Variants in RPIA observed in about 807,000 individuals in gnomAD.
RPIA encodes ribose 5-phosphate isomerase A, also known as ribose-5-phosphate isomerase.
RPIA carries 29 observed loss-of-function variants against 37.8 expected under a neutral mutation model. The ratio of observed to expected loss-of-function variants is 0.77; its 90% CI spans 0.57 to 1.05. RPIA has a LOEUF of 1.05. Ranked by LOEUF, RPIA falls within the 50% of genes least tolerant of loss-of-function variation. The pLI, the probability that RPIA is intolerant of heterozygous loss-of-function variation, is 0.00. For synonymous variants in RPIA, 167 were observed against 157.0 expected (o/e 1.06, Z -0.48); for missense variants, 385 against 413.6 (o/e 0.93, Z 0.60).
chr2:88,736,283 G>A lies in RPIA; in HGVS notation c.597-252G>A, dbSNP rs371639407. Among the ~76,000 whole-genome samples, 39 of 152,320 alleles carry A rather than the reference G, an allele frequency of 2.6e-4. No individual in the cohort carries two copies. The South Asian group carries it at 7.0e-3, about 27-fold the overall frequency. ...TACTTGTGAAATATAGCCACAGGACGAGCATAAATATTAAACACCTACATA... is the reference window on the plus strand; with the variant it reads ...TACTTGTGAAATATAGCCACAGGACAAGCATAAATATTAAACACCTACATA... On this transcript the variant is annotated intron_variant, in intron 6 of 8. Transcript: ENST00000283646.
chr2:88,711,019 T>G (rs973519877), intron 3 of RPIA, among the ~76,000 whole-genome samples: 2 of 152,222 alleles, frequency 1.3e-5, no homozygotes, highest in African/African-American at 4.8e-5. Flanking sequence ...TATTACAACT[T>G]AAGTGTTTTC....
At chr2:88,709,629 G>C (rs892655279) in intron 3 of RPIA, among the ~76,000 whole-genome samples, 6 of 152,160 alleles carry the variant, frequency 3.9e-5, no homozygotes, top group African/African-American at 1.4e-4. Flanking sequence ...CTGTTGTTGA[G>C]TCCATACTAT....
chr2:88,714,910 GA>G (rs1183389311), intron 3 of RPIA, among the ~76,000 whole-genome samples: 2 of 152,314 alleles, frequency 1.3e-5, no homozygotes, highest in Admixed American at 1.3e-4. Flanking sequence ...TCAATCCTAA[GA>G]CCAGCGTTTG....
At chr2:88,703,769 C>T (rs1425747188) in intron 3 of RPIA, among the ~76,000 whole-genome samples, 17 of 152,218 alleles carry the variant, frequency 1.1e-4, no homozygotes, top group Non-Finnish European at 1.9e-4. Flanking sequence ...TGTCTGCAGC[C>T]GGCTTGAATT....
intron 3 of RPIA, among the ~76,000 whole-genome samples, chr2:88,712,359 ATAGGCCTAGTT>A (rs1299504321): frequency 3.3e-5 from 5 of 152,192 alleles, no homozygotes; most frequent in Non-Finnish European, 7.3e-5. Context: ...TCTTTAATTC[ATAGGCCTAGTT>A]TCTTTTACCT....
chr2:88,736,748 T>C, intron 7 of RPIA, 72 bp downstream of exon 7: 1 of 1,533,622 alleles, frequency 6.5e-7, no homozygotes, highest in Non-Finnish European at 8.9e-7. Context: ...TCCCTTCTGT[T>C]GCAGTTAGGT....
chr2:88,691,796 G>T lies in RPIA; in HGVS notation c.98G>T (p.Ser33Ile). ...GGAASGGGGN[S>I]WDLPGSHVRL... ...GCGGCCTCCGGCGGAGGAGGGAACA[G>T]CTGGGACCTCCCGGGTTCCCACGTG... The change falls in exon 1 of 9, where the codon AGC becomes ATC. Residue 33 changes from serine (S) to isoleucine (I), a missense_variant. By Grantham distance (142) the Ser-to-Ile change is moderately radical. This residue lies in a region of RPIA where 232 missense variants were observed against 203.0 expected (regional missense o/e 1.14). Coordinates refer to ENST00000283646, the MANE Select transcript of RPIA (RefSeq NM_144563.3). 6.3e-7 allele frequency: 1 copy of T among 1,594,806 alleles called. No homozygotes were observed.
intron 1 of RPIA, among the ~76,000 whole-genome samples, chr2:88,696,492 G>T (rs1209691345): frequency 6.7e-6 from 1 of 150,050 alleles, no homozygotes; most frequent in Non-Finnish European, 1.5e-5. Context: ...ATGAGTTTGT[G>T]TGTGTGTGGG....
chr2:88,709,225 C>T (rs1256114302), intron 3 of RPIA, among the ~76,000 whole-genome samples: 1 of 152,142 alleles, frequency 6.6e-6, no homozygotes, highest in Non-Finnish European at 1.5e-5. Flanking sequence ...AGGAGTTCCC[C>T]AAGAGGGAAT....
chr2:88,701,013 A>G (rs1672823692), intron 3 of RPIA, among the ~76,000 whole-genome samples: 2 of 152,142 alleles, frequency 1.3e-5, no homozygotes, highest in African/African-American at 4.8e-5. Flanking sequence ...CTGGAGACAC[A>G]GGATGCTGGC....
intron 8 of RPIA, among the ~76,000 whole-genome samples, chr2:88,747,573 G>A (rs1673454332): frequency 6.6e-6 from 1 of 152,098 alleles, no homozygotes; most frequent in Non-Finnish European, 1.5e-5. Flanking sequence ...TTTCCCGAAG[G>A]ACCCCTGTGA....
At position 88,705,725 on chromosome 2, in the gene RPIA, A is replaced by C. The variant is rs192510194; in HGVS notation, c.402+5661A>C. ...ATATTGACAAATGGGATCTAATTAA[A>C]GAGCTTCTGCGCAGCAAAAGAAACT... is the stretch of plus-strand genomic sequence containing the variant. On this transcript the variant is annotated intron_variant, in intron 3 of 8. Coordinates refer to ENST00000283646, the MANE Select transcript of RPIA (RefSeq NM_144563.3). Among the ~76,000 whole-genome samples the C allele has an allele frequency of 1.8e-3, 273 of 152,372 alleles. 2 individuals are homozygous for C. Among genetic ancestry groups the C allele is most frequent in the African/African-American group, 6.5e-3 (269 of 41,590 alleles).
chr2:88,740,908 T>C (rs1021543592), intron 8 of RPIA, among the ~76,000 whole-genome samples: 1 of 152,206 alleles, frequency 6.6e-6, no homozygotes, highest in East Asian at 1.9e-4. Context: ...TTTGCTCATC[T>C]TTGGAAGGAT....
chr2:88,695,126 A>G (rs373145981), intron 1 of RPIA, among the ~76,000 whole-genome samples: 1 of 152,164 alleles, frequency 6.6e-6, no homozygotes, highest in East Asian at 1.9e-4. Context: ...ACATGCCTTT[A>G]CCTATGCATC....
At chr2:88,694,806 C>T (rs956487142) in intron 1 of RPIA, among the ~76,000 whole-genome samples, 1 of 152,060 alleles carries the variant, frequency 6.6e-6, no homozygotes, top group African/African-American at 2.4e-5. Context: ...CTGTTCCATA[C>T]CCTGGAGGAA....
At chr2:88,694,864 T>A (rs181614001) in intron 1 of RPIA, among the ~76,000 whole-genome samples, 1 of 151,830 alleles carries the variant, frequency 6.6e-6, no homozygotes, top group East Asian at 1.9e-4. Context: ...CGTTGCAGGG[T>A]TTCCCCAGTC....
At chr2:88,696,611 G>T (rs1402791947) in intron 1 of RPIA, among the ~76,000 whole-genome samples, 3 of 152,006 alleles carry the variant, frequency 2.0e-5, no homozygotes, top group Non-Finnish European at 2.9e-5. Context: ...ACAAATATAT[G>T]TCAAAGATTT....
Position 88,699,892 on chromosome 2 carries a change from G to A in RPIA, c.347-117G>A, listed in dbSNP as rs1672806507. On this transcript the variant is annotated intron_variant, in intron 2 of 8. Coordinates refer to ENST00000283646, the MANE Select transcript of RPIA (RefSeq NM_144563.3). ...CAAGGAGGGGGACACAGGATGAAAGGCAGCTGTCTTTGGGAAATAGACCTT... is the reference window on the plus strand; with the variant it reads ...CAAGGAGGGGGACACAGGATGAAAGACAGCTGTCTTTGGGAAATAGACCTT... The A allele has an allele frequency of 1.4e-5, 15 of 1,037,496 alleles. No homozygotes were observed. In the East Asian group the frequency reaches 3.1e-4, roughly 22 times the overall value. 64.3% of individuals were successfully genotyped at this position (1,037,496 alleles called of 1,614,324 possible).
intron 8 of RPIA, among the ~76,000 whole-genome samples, chr2:88,738,586 T>C (rs925847677): frequency 9.2e-5 from 14 of 151,894 alleles, no homozygotes; most frequent in African/African-American, 2.9e-4. Flanking sequence ...TGGGGAAATC[T>C]GTGTGTGTGT....
Sources: allele counts gnomAD v4.1 joint callset (sites outside exome capture counted in the v4.1 genomes callset), GRCh38; gene constraint gnomAD v4.1.1; regional missense constraint gnomAD v4.1.1; transcripts MANE v1.5; gene names NCBI Gene and HGNC (gene_info 2026-07-23, HGNC 2026-07-21).